METTL15: variants seen among roughly 807,000 people sequenced by gnomAD.
The protein encoded by METTL15 is methyltransferase 15, mitochondrial 12S rRNA N4-cytidine.
In METTL15, 34 loss-of-function variants were observed where a neutral mutation model predicts 38.3. The observed-to-expected ratio is 0.89, with a 90% CI of 0.68 to 1.18. METTL15 has a LOEUF of 1.18. Among genes scored for constraint, METTL15 ranks in the 50% most tolerant of loss-of-function variants. The pLI is 0.00. For missense variants in METTL15, 438 were observed against 498.4 expected (o/e 0.88, Z 1.15); for synonymous variants, 162 against 170.9 (o/e 0.95, Z 0.41).
rs1850799117 is a variant in METTL15 at position 28,419,233 on chromosome 11, G to C, written c.*359-5066G>C. On this transcript the variant is annotated intron_variant and NMD_transcript_variant, in intron 5 of 7. Transcript: ENST00000532947. ...GGTCTGACCCAGTGCAGTCCCAGTG[G>C]TGGTGACCATAGGAGTGGTCACCTG... is the stretch of plus-strand genomic sequence containing the variant. 2.0e-5 allele frequency among the ~76,000 whole-genome samples: 3 copies of C among 152,180 alleles called. No homozygotes were observed. In the South Asian group the frequency reaches 6.2e-4, roughly 32 times the overall value.
At chr11:28,445,454 A>G (rs1051991426) in intron 6 of METTL15, among the ~76,000 whole-genome samples, 14 of 152,126 alleles carry the variant, frequency 9.2e-5, no homozygotes, top group Non-Finnish European at 1.9e-4. Flanking sequence ...CATTGATACA[A>G]CACTTTAATC....
chr11:28,207,236 G>T (rs1244576859), intron 3 of METTL15, among the ~76,000 whole-genome samples: 3 of 151,896 alleles, frequency 2.0e-5, no homozygotes, highest in Non-Finnish European at 4.4e-5. Flanking sequence ...TATGATATTG[G>T]CTGTGGGGTT....
intron 5 of METTL15, among the ~76,000 whole-genome samples, chr11:28,381,771 T>C (rs1429913903): frequency 6.6e-6 from 1 of 152,184 alleles, no homozygotes; most frequent in Non-Finnish European, 1.5e-5. Flanking sequence ...CTTTTCTGTG[T>C]TATCTTGGAA....
chr11:28,317,769 C>G (rs1459835058), intron 6 of METTL15, among the ~76,000 whole-genome samples: 1 of 152,096 alleles, frequency 6.6e-6, no homozygotes, highest in Non-Finnish European at 1.5e-5. Context: ...TGTTACTAAG[C>G]AAGATTTTCT....
chr11:28,421,420 A>G (rs1266971398), intron 5 of METTL15, among the ~76,000 whole-genome samples: 1 of 152,070 alleles, frequency 6.6e-6, no homozygotes, highest in Non-Finnish European at 1.5e-5. Flanking sequence ...AGAAAACTAT[A>G]GTTCAATATC....
chr11:28,436,564 T>G (rs553725727), intron 6 of METTL15, among the ~76,000 whole-genome samples: 4 of 142,806 alleles, frequency 2.8e-5, no homozygotes, highest in Admixed American at 1.4e-4. Context: ...ACATTGAGTG[T>G]TTTTTTTTTT....
chr11:28,452,933 G>A (rs2467215), intron 6 of METTL15, among the ~76,000 whole-genome samples: 151,015 of 152,268 alleles, frequency 0.99, 74,903 homozygotes, highest in Middle Eastern at 1. Flanking sequence ...CTTGTGGCCA[G>A]TTCTGAAAAG....
At chr11:28,385,787 G>A (rs1181481684) in intron 5 of METTL15, among the ~76,000 whole-genome samples, 1 of 151,984 alleles carries the variant, frequency 6.6e-6, no homozygotes, top group Admixed American at 6.6e-5. Flanking sequence ...TGCATTACAT[G>A]TTTGTTTTTA....
chr11:28,478,448 C>A (rs567873971), intron 6 of METTL15, among the ~76,000 whole-genome samples: 1 of 152,214 alleles, frequency 6.6e-6, no homozygotes, highest in Non-Finnish European at 1.5e-5. Context: ...TCTGTGGCCT[C>A]AATCGTGGTG....
chr11:28,348,012 C>A (rs901922540), intron 3 of METTL15, among the ~76,000 whole-genome samples: 1 of 152,298 alleles, frequency 6.6e-6, no homozygotes, highest in East Asian at 1.9e-4. Flanking sequence ...CTGACTGTCA[C>A]ACTTACTATT....
At chr11:28,120,110 TC>T (rs1465856520) in intron 3 of METTL15, among the ~76,000 whole-genome samples, 1 of 151,872 alleles carries the variant, frequency 6.6e-6, no homozygotes, top group Admixed American at 6.6e-5. Context: ...TGCCACCACA[TC>T]CAGCTAATTT....
chr11:28,299,314 A>G (rs1418599838), intron 6 of METTL15, among the ~76,000 whole-genome samples: 3 of 151,988 alleles, frequency 2.0e-5, no homozygotes, highest in Admixed American at 1.3e-4. Flanking sequence ...CTAGATTTTC[A>G]TGATTTTAGT....
intron 3 of METTL15, among the ~76,000 whole-genome samples, chr11:28,126,068 A>G (rs942795720): frequency 7.9e-5 from 12 of 152,048 alleles, no homozygotes; most frequent in Non-Finnish European, 1.3e-4. Flanking sequence ...CATTTAATCT[A>G]AGCAAATTGG....
chr11:28,252,538 C>A (rs189751843), intron 4 of METTL15, among the ~76,000 whole-genome samples: 1 of 152,214 alleles, frequency 6.6e-6, no homozygotes, highest in Admixed American at 6.6e-5. Context: ...ATTATGTCTT[C>A]CCTTTAGTTG....
At chr11:28,494,485 C>T (rs1290010709) in intron 6 of METTL15, among the ~76,000 whole-genome samples, 1 of 152,122 alleles carries the variant, frequency 6.6e-6, no homozygotes, top group African/African-American at 2.4e-5. Context: ...GCCTCAAGCC[C>T]TTACTGTGTA....
intron 6 of METTL15, among the ~76,000 whole-genome samples, chr11:28,523,994 C>T (rs931517057): frequency 6.6e-6 from 1 of 152,126 alleles, no homozygotes; most frequent in Non-Finnish European, 1.5e-5. Flanking sequence ...AGGATAGATC[C>T]CTAAAATGCG....
intron 3 of METTL15, chr11:28,145,547 C>T (rs572959630): frequency 1.3e-5 from 2 of 152,114 alleles, no homozygotes; most frequent in South Asian, 2.1e-4. Context: ...TGGAACACCT[C>T]GTCTTGTGCA....
chr11:28,397,457 A>G (rs953500546), intron 5 of METTL15, among the ~76,000 whole-genome samples: 3 of 152,350 alleles, frequency 2.0e-5, no homozygotes, highest in Admixed American at 6.5e-5. Context: ...TCAAAAGAAG[A>G]TATTTATGCA....
At chr11:28,144,416 C>T (rs1849808549) in intron 3 of METTL15, among the ~76,000 whole-genome samples, 1 of 152,086 alleles carries the variant, frequency 6.6e-6, no homozygotes, top group South Asian at 2.1e-4. Flanking sequence ...TAGAATTACT[C>T]ATACTCATGT....
Sources: gnomAD v4.1 joint callset for allele counts (sites outside exome capture counted in the v4.1 genomes callset) on GRCh38, gnomAD v4.1.1 for gene constraint, MANE v1.5 for transcripts, NCBI Gene and HGNC (gene_info 2026-07-23, HGNC 2026-07-21) for gene names.